SLC44A5: variants seen among roughly 807,000 people sequenced by gnomAD.
SLC44A5 encodes solute carrier family 44 member 5.
Under a neutral mutation model 101.8 loss-of-function variants are expected in SLC44A5, and 57 were observed. That is an observed-to-expected ratio of 0.56 (90% CI 0.45 to 0.70). The LOEUF is 0.70. Among genes scored for constraint, SLC44A5 ranks in the 30% least tolerant of loss-of-function variants. The pLI is 0.00. For missense variants in SLC44A5, 737 were observed against 853.1 expected (o/e 0.86, Z 1.70); for synonymous variants, 281 against 290.9 (o/e 0.97, Z 0.35).
At chr1:75,528,463 C>G (rs985080846) in intron 2 of SLC44A5, among the ~76,000 whole-genome samples, 3 of 152,110 alleles carry the variant, frequency 2.0e-5, no homozygotes, top group Admixed American at 1.3e-4. Context: ...GAGTATACAA[C>G]TTTAACGTCT....
At chr1:75,702,733 T>C in the SLC44A5 span, among the ~76,000 whole-genome samples, 1 of 152,050 alleles carries the variant, frequency 6.6e-6, no homozygotes, top group Non-Finnish European at 1.5e-5. Context: ...ACCTACAGAA[T>C]GGGAGAAAAT....
chr1:75,345,211 C>G (rs191845418), intron 3 of SLC44A5, among the ~76,000 whole-genome samples: 2 of 152,158 alleles, frequency 1.3e-5, no homozygotes, highest in East Asian at 3.9e-4. Flanking sequence ...AACACTAATT[C>G]AGTATCTGAT....
intron 8 of SLC44A5, among the ~76,000 whole-genome samples, 159 bp from the exon 9 acceptor site, chr1:75,242,220 A>G (rs1407473951): frequency 6.6e-6 from 1 of 152,084 alleles, no homozygotes; most frequent in Non-Finnish European, 1.5e-5. Flanking sequence ...CACACACACA[A>G]TCTTGCTTGA....
chr1:75,358,003 T>TACACAC lies in SLC44A5; in HGVS notation c.53-18379_53-18374dup, dbSNP rs145085735. ...AGTTCTGTGCTTCTTCAATGTCACT[T>TACACAC]ACACACACACACACACACACACACA... is the stretch of plus-strand genomic sequence containing the variant. On this transcript the variant is annotated intron_variant, in intron 3 of 23. Coordinates refer to ENST00000370859, the MANE Select transcript of SLC44A5 (RefSeq NM_001130058.2). Among the ~76,000 whole-genome samples, 363 of 139,160 alleles carry TACACAC rather than the reference T, an allele frequency of 2.6e-3. 1 individual carries two copies. Among genetic ancestry groups the TACACAC allele is most frequent in the East Asian group, 0.018 (44 of 2,470 alleles). The allele number at this position is 139,160 out of a possible 152,430, so 91.3% of individuals were successfully genotyped here.
At chr1:75,471,799 G>A (rs888425113) in intron 2 of SLC44A5, among the ~76,000 whole-genome samples, 3 of 151,892 alleles carry the variant, frequency 2.0e-5, no homozygotes, top group Admixed American at 2.0e-4. Context: ...GCCTAGAGAA[G>A]ATCAAATAAG....
the SLC44A5 span, among the ~76,000 whole-genome samples, chr1:75,684,101 A>G: frequency 1.3e-5 from 2 of 152,198 alleles, no homozygotes; most frequent in Admixed American, 1.3e-4. Flanking sequence ...CATGGTGGCA[A>G]GCAAGAGAGA....
intron 2 of SLC44A5, among the ~76,000 whole-genome samples, chr1:75,455,926 C>T (rs1242668946): frequency 1.3e-5 from 2 of 152,066 alleles, no homozygotes; most frequent in Admixed American, 6.6e-5. Context: ...TAAATTAGTC[C>T]AGCCACTGTG....
chr1:75,479,864 C>A (rs564645037), intron 2 of SLC44A5, among the ~76,000 whole-genome samples: 1 of 152,144 alleles, frequency 6.6e-6, no homozygotes, highest in Non-Finnish European at 1.5e-5. Flanking sequence ...CTATTCCAAT[C>A]AATAGAAAAA....
intron 1 of SLC44A5, among the ~76,000 whole-genome samples, chr1:75,552,336 G>A (rs1228580511): frequency 6.6e-6 from 1 of 152,082 alleles, no homozygotes; most frequent in African/African-American, 2.4e-5. Context: ...ATGATTGAAT[G>A]TATGTATTTT....
intron 3 of SLC44A5, among the ~76,000 whole-genome samples, chr1:75,365,997 T>C (rs538502074): frequency 3.4e-4 from 52 of 152,348 alleles, no homozygotes; most frequent in African/African-American, 1.2e-3. Flanking sequence ...GATATAACTA[T>C]TCTTTCACAA....
At chr1:75,699,209 A>C in the SLC44A5 span, among the ~76,000 whole-genome samples, 30 of 152,208 alleles carry the variant, frequency 2.0e-4, no homozygotes, top group African/African-American at 7.2e-4. Flanking sequence ...TGTCAGATTC[A>C]CCAAAGTTGA....
intron 23 of SLC44A5, among the ~76,000 whole-genome samples, chr1:75,204,304 A>C (rs1432268573): frequency 1.3e-5 from 2 of 152,154 alleles, no homozygotes; most frequent in Non-Finnish European, 2.9e-5. Flanking sequence ...TTTTTAGTTT[A>C]ATTGCTTTGT....
chr1:75,472,218 A>T (rs575967168), intron 2 of SLC44A5, among the ~76,000 whole-genome samples: 20 of 152,224 alleles, frequency 1.3e-4, no homozygotes, highest in African/African-American at 4.8e-4. Context: ...AGGTATCTTT[A>T]GGGTGAGTCA....
chr1:75,213,206 G>A (rs1005092142), intron 22 of SLC44A5, among the ~76,000 whole-genome samples: 5 of 152,156 alleles, frequency 3.3e-5, no homozygotes, highest in Non-Finnish European at 7.4e-5. Context: ...TCTGTCTCAG[G>A]TTATTTCCAA....
chr1:75,307,603 T>C (rs1427892013), intron 4 of SLC44A5, among the ~76,000 whole-genome samples: 3 of 152,234 alleles, frequency 2.0e-5, no homozygotes, highest in South Asian at 4.1e-4. Context: ...TTTTCCCTTT[T>C]TTCCCCTACT....
At chr1:75,213,601 C>T in intron 22 of SLC44A5, 104 bp downstream of exon 22, 1 of 867,506 alleles carries the variant, frequency 1.2e-6, no homozygotes, top group South Asian at 1.6e-5. Flanking sequence ...TCTTGGACTT[C>T]CCAGCCTTCA....
chr1:75,492,076 G>A (rs1668455946), intron 2 of SLC44A5, among the ~76,000 whole-genome samples: 1 of 152,130 alleles, frequency 6.6e-6, no homozygotes, highest in Non-Finnish European at 1.5e-5. Context: ...AATGAAAACA[G>A]GGATGTGCCG....
At chr1:75,341,991 T>C (rs897554859) in intron 3 of SLC44A5, among the ~76,000 whole-genome samples, 3 of 152,196 alleles carry the variant, frequency 2.0e-5, no homozygotes, top group Non-Finnish European at 2.9e-5. Context: ...CATTAATCTA[T>C]TTGATTTTAG....
chr1:75,693,331 G>A, the SLC44A5 span, among the ~76,000 whole-genome samples: 1 of 152,142 alleles, frequency 6.6e-6, no homozygotes, highest in Non-Finnish European at 1.5e-5. Context: ...CTTTCAGAAA[G>A]CAGAAATTAT....
Sources: allele counts gnomAD v4.1 joint callset (sites outside exome capture counted in the v4.1 genomes callset), GRCh38; gene constraint gnomAD v4.1.1; transcripts MANE v1.5; gene names NCBI Gene and HGNC (gene_info 2026-07-23, HGNC 2026-07-21).